TOP2B: variants seen among roughly 807,000 people sequenced by gnomAD.
The protein encoded by TOP2B is DNA topoisomerase II beta, also known as DNA topoisomerase 2-beta.
In TOP2B, 51 loss-of-function variants were observed where a neutral mutation model predicts 193.5. That is an observed-to-expected ratio of 0.26 (90% confidence interval 0.21 to 0.33). The LOEUF (loss-of-function observed/expected upper bound fraction) is 0.33. Ranked by LOEUF, TOP2B falls within the 10% of genes least tolerant of loss-of-function variation. The pLI, the probability that TOP2B is intolerant of heterozygous loss-of-function variation, is 1.00. For synonymous variants in TOP2B, 634 were observed against 635.7 expected (o/e 1.00, Z 0.04); for missense variants, 1,378 against 1,909.3 (o/e 0.72, Z 5.19).
chr3:25,618,894 G>T (rs1315027084), intron 23 of TOP2B, 45 bp from the exon 24 acceptor site: 4 of 1,382,810 alleles, frequency 2.9e-6, no homozygotes, highest in Non-Finnish European at 3.9e-6. Flanking sequence ...GATCTGTACT[G>T]GTATTTTAAC....
intron 33 of TOP2B, among the ~76,000 whole-genome samples, chr3:25,604,121 T>C (rs1191284489): frequency 6.6e-6 from 1 of 152,228 alleles, no homozygotes. Context: ...ATGTTGTCTG[T>C]TGTGAATTTT....
chr3:25,608,544 T>C (rs1702291778), intron 30 of TOP2B, among the ~76,000 whole-genome samples: 1 of 152,114 alleles, frequency 6.6e-6, no homozygotes, highest in Admixed American at 6.5e-5. Context: ...AAAATGTACT[T>C]CCCAGAGGTA....
rs189437537 is a variant in TOP2B at position 25,645,056 on chromosome 3, C to T, written c.240+244G>A. ...CGATCTCCTGACCTTGTGATCCACC[C>T]GCCTCGGCCTCCCAAAGTGCTGGGA... On this transcript the variant is annotated intron_variant, in intron 2 of 35. Coordinates refer to ENST00000264331, the MANE Select transcript of TOP2B (RefSeq NM_001330700.2). 2.1e-4 allele frequency among the ~76,000 whole-genome samples: 32 copies of T among 152,004 alleles called. No individual in the cohort carries two copies. The East Asian group carries it at 4.5e-3, about 21-fold the overall frequency.
intron 7 of TOP2B, among the ~76,000 whole-genome samples, chr3:25,635,466 C>T (rs1194711328): frequency 1.3e-5 from 2 of 152,038 alleles, no homozygotes; most frequent in Non-Finnish European, 2.9e-5. Context: ...GTTAAAGTAT[C>T]TAATGGAAAA....
Sources: gnomAD v4.1 joint callset for allele counts (sites outside exome capture counted in the v4.1 genomes callset) on GRCh38, gnomAD v4.1.1 for gene constraint, MANE v1.5 for transcripts, NCBI Gene and HGNC (gene_info 2026-07-23, HGNC 2026-07-21) for gene names.